SLC45A1: variants seen among roughly 807,000 people sequenced by gnomAD.
The protein encoded by SLC45A1 is solute carrier family 45 member 1.
A neutral mutation model predicts 57.6 loss-of-function variants in SLC45A1; 28 were observed. The ratio of observed to expected loss-of-function variants is 0.49; its 90% CI spans 0.36 to 0.67. SLC45A1 has a LOEUF of 0.67. Ranked by LOEUF, SLC45A1 falls within the 30% of genes least tolerant of loss-of-function variation. SLC45A1 has a pLI of 0.00. For missense variants in SLC45A1, 814 were observed against 1,041.5 expected (o/e 0.78, Z 3.01); for synonymous variants, 459 against 471.5 (o/e 0.97, Z 0.34).
chr1:8,341,956 C>T (rs551784074), intron 8 of SLC45A1, among the ~76,000 whole-genome samples: 87 of 151,662 alleles, frequency 5.7e-4, no homozygotes, highest in African/African-American at 1.9e-3. Flanking sequence ...GCCTGTAATC[C>T]CAGCACTTTG....
At chr1:8,339,934 T>A (rs1442226523) in intron 8 of SLC45A1, among the ~76,000 whole-genome samples, 1 of 152,192 alleles carries the variant, frequency 6.6e-6, no homozygotes, top group Non-Finnish European at 1.5e-5. Context: ...TGGGTCAGGC[T>A]CTGTCCTTCC....
At chr1:8,329,035 C>A (rs757945575) in intron 4 of SLC45A1, among the ~76,000 whole-genome samples, 1 of 151,884 alleles carries the variant, frequency 6.6e-6, no homozygotes, top group Non-Finnish European at 1.5e-5. Context: ...AGAACAGAGG[C>A]AGAGAAGGGA....
intron 8 of SLC45A1, among the ~76,000 whole-genome samples, chr1:8,342,898 CA>C (rs111698660): frequency 1.4e-4 from 19 of 132,888 alleles, no homozygotes; most frequent in African/African-American, 1.7e-4. Context: ...GACCCTGTCT[CA>C]AAAAAAAAAA....
intron 8 of SLC45A1, among the ~76,000 whole-genome samples, chr1:8,342,557 C>CA (rs1334895647): frequency 1.3e-5 from 2 of 152,216 alleles, no homozygotes; most frequent in Non-Finnish European, 2.9e-5. Context: ...ATCTGCAGTG[C>CA]AGCTGTGGGC....
chr1:8,322,388 G>T (rs560492397), intron 1 of SLC45A1, among the ~76,000 whole-genome samples: 3 of 150,204 alleles, frequency 2.0e-5, no homozygotes, highest in Admixed American at 6.7e-5. Context: ...GGATGAGTGG[G>T]TGAGTGGATG....
intron 5 of SLC45A1, among the ~76,000 whole-genome samples, chr1:8,332,295 C>G (rs1441006725): frequency 6.6e-6 from 1 of 152,208 alleles, no homozygotes; most frequent in Non-Finnish European, 1.5e-5. Context: ...AAACGTGAAA[C>G]CTGCAGATGT....
rs752299775 is a variant in SLC45A1 at position 8,343,709 on chromosome 1, CG to C, written c.1981-36del. ...GAGCTCGGTCACCCCGTGCTGGCCG[CG>C]GCGTGTCTCGCTGACACGTTTCTTC... On this transcript the variant is annotated intron_variant, in intron 8 of 8. Coordinates refer to ENST00000471889, the MANE Select transcript of SLC45A1 (RefSeq NM_001080397.3). This position sits in a 1 kb window ranked among gnomAD's most constrained non-coding sequence, Gnocchi z 7.7. 4.4e-6 allele frequency: 7 copies of C among 1,582,104 alleles called. No individual in the cohort carries two copies. In the Admixed American group the frequency reaches 5.1e-5, roughly 11 times the overall value.
At chr1:8,333,430 C>G (rs1236607905) in intron 5 of SLC45A1, among the ~76,000 whole-genome samples, 1 of 151,874 alleles carries the variant, frequency 6.6e-6, no homozygotes, top group Non-Finnish European at 1.5e-5. Context: ...AGCCACCATG[C>G]CCGGCCTTGT....
chr1:8,328,203 T>C lies in SLC45A1; in HGVS notation c.716-2006T>C, dbSNP rs935046502. On this transcript the variant is annotated intron_variant, in intron 4 of 8. Transcript: ENST00000471889. This position sits in a 1 kb window ranked among gnomAD's most constrained non-coding sequence, Gnocchi z 4.6. Reference sequence around the variant, plus strand: ...GAAAAAGAAACAGATATTGGAACAATGTTTAAAAATCAAGGGAAAAGCCTA... The same window carrying C: ...GAAAAAGAAACAGATATTGGAACAACGTTTAAAAATCAAGGGAAAAGCCTA... 6.6e-6 allele frequency: 1 copy of C among 152,142 alleles called. No individual in the cohort carries two copies. Among genetic ancestry groups the C allele is most frequent in the East Asian group, 1.9e-4 (1 of 5,192 alleles). The allele number at this position is 152,142 out of a possible 1,614,324, so 9.4% of individuals were successfully genotyped here.
In SLC45A1 at chr1:8,343,318, G is replaced by C. The variant is rs918144567; in HGVS notation, c.1981-429G>C. On this transcript the variant is annotated intron_variant, in intron 8 of 8. Transcript: ENST00000471889. The surrounding 1 kb of genome is among the most constrained non-coding windows in gnomAD (Gnocchi z 7.7). ...GAGGCCACGAGGACCTTGGAGCCTC[G>C]GACAGAGGACCAGCGGCTGTCATGT... 6.6e-6 allele frequency among the ~76,000 whole-genome samples: 1 copy of C among 152,186 alleles called. No individual in the cohort carries two copies. The highest frequency in any genetic ancestry group is 1.9e-4 in the East Asian group (1 of 5,194).
intron 8 of SLC45A1, among the ~76,000 whole-genome samples, chr1:8,340,409 G>A (rs1192624860): frequency 1.3e-5 from 2 of 152,026 alleles, no homozygotes; most frequent in African/African-American, 4.8e-5. Flanking sequence ...TGATCCGCCC[G>A]CCTCAGCCTC....
Position 8,344,160 on chromosome 1 carries a change from A to G in SLC45A1, c.*147A>G. ...TGATAAAATAATAAATGACAGCGGCAAAGCCTATGGTTTCTAGGCATTGCT... is the reference window on the plus strand; with the variant it reads ...TGATAAAATAATAAATGACAGCGGCGAAGCCTATGGTTTCTAGGCATTGCT... On this transcript the variant is annotated 3_prime_UTR_variant, in exon 9 of 9. Coordinates refer to ENST00000471889, the MANE Select transcript of SLC45A1 (RefSeq NM_001080397.3). 2.6e-6 allele frequency: 2 copies of G among 772,620 alleles called. No homozygotes were observed. Among genetic ancestry groups the G allele is most frequent in the Non-Finnish European group, 3.9e-6 (2 of 515,614 alleles). 47.9% of individuals were successfully genotyped at this position (772,620 alleles called of 1,614,324 possible). A position where few individuals can be genotyped will look rare whatever the true frequency, so the allele number is the denominator to read the frequency against.
chr1:8,341,003 T>C (rs1453098976), intron 8 of SLC45A1, among the ~76,000 whole-genome samples: 2 of 151,758 alleles, frequency 1.3e-5, no homozygotes, highest in African/African-American at 2.4e-5. Context: ...CCATCCTGGC[T>C]AACACAGTGA....
chr1:8,330,568 A>C lies in SLC45A1; in HGVS notation c.1075A>C (p.Thr359Pro). 2 of 1,613,388 alleles carry C rather than the reference A, an allele frequency of 1.2e-6. No individual in the cohort carries two copies. Among genetic ancestry groups the C allele is most frequent in the Non-Finnish European group, 1.7e-6 (2 of 1,179,980 alleles). ...CTTCATCAGCAGGGACAGCTCCCTG[A>C]CGGGCATCAGCGAGTTCGCCTCATC... ...GSFISRDSSL[T>P]GISEFASSFG... Residue 359 changes from threonine (T) to proline (P), a missense_variant, in exon 5 of 9, where the codon ACG becomes CCG. Transcript: ENST00000471889. This position sits in a 1 kb window ranked among gnomAD's most constrained non-coding sequence, Gnocchi z 8.4.
chr1:8,338,721 T>C (rs2124322757), intron 7 of SLC45A1, among the ~76,000 whole-genome samples: 1 of 152,274 alleles, frequency 6.6e-6, no homozygotes, highest in Non-Finnish European at 1.5e-5. Flanking sequence ...GAAATACGAG[T>C]TTCATGTGAT....
Position 8,337,817 on chromosome 1 carries a change from G to A in SLC45A1, c.1599G>A (p.Gly533=), listed in dbSNP as rs1289311300. 7 of 1,613,218 alleles carry A rather than the reference G, an allele frequency of 4.3e-6. No individual in the cohort carries two copies. In the Middle Eastern group the frequency reaches 6.6e-4, roughly 152 times the overall value. Residue 533 remains glycine (G), a splice_region_variant and synonymous_variant, in exon 7 of 9, where the codon GGG becomes GGA. Transcript: ENST00000471889. The stretch of plus-strand genomic sequence containing the variant: ...CATGAACCTCTTTCTTTCTTCCAGG[G>A]TGGCTCTCATTCGAGGGGATGTTGC... ...LRTLCVNHFL[G]WLSFEGMLLF...
chr1:8,339,828 T>A, intron 8 of SLC45A1, 130 bp downstream of exon 8: 2 of 882,606 alleles, frequency 2.3e-6, no homozygotes, highest in Non-Finnish European at 3.6e-6. Context: ...CCACAGAGCA[T>A]GAAACCAAGG....
Position 8,337,828 on chromosome 1 carries a change from T to G in SLC45A1, c.1610T>G (p.Phe537Cys). The change falls in exon 7 of 9, where the codon TTC becomes TGC. Residue 537 changes from phenylalanine (F) to cysteine (C), a missense_variant. Phe to Cys is a radical substitution (Grantham distance 205). Transcript: ENST00000471889. The part of the protein sequence containing the change: ...CVNHFLGWLS[F>C]EGMLLFYTDF... ...TTCTTTCTTCCAGGGTGGCTCTCAT[T>G]CGAGGGGATGTTGCTCTTCTACACA... 1 of 1,613,764 alleles carries G rather than the reference T, an allele frequency of 6.2e-7. No individual in the cohort carries two copies. The highest frequency in any genetic ancestry group is 8.5e-7 in the Non-Finnish European group (1 of 1,179,882).
chr1:8,330,525 C>G lies in SLC45A1; in HGVS notation c.1032C>G (p.Leu344=). 1 of 1,613,408 alleles carries G rather than the reference C, an allele frequency of 6.2e-7. No individual in the cohort carries two copies. Among genetic ancestry groups the G allele is most frequent in the Non-Finnish European group, 8.5e-7 (1 of 1,179,984 alleles). ...FSSPISPPSP[L]TPKYGSFISR... is the part of the protein sequence containing the mutation. Reference sequence around the variant, plus strand: ...GCCCCATCTCGCCGCCCAGCCCCCTCACGCCCAAGTACGGCAGCTTCATCA... The same window carrying G: ...GCCCCATCTCGCCGCCCAGCCCCCTGACGCCCAAGTACGGCAGCTTCATCA... The change falls in exon 5 of 9, where the codon CTC becomes CTG. Residue 344 remains leucine, a synonymous_variant. Transcript: ENST00000471889. The surrounding 1 kb of genome is among the most constrained non-coding windows in gnomAD (Gnocchi z 8.4).
Sources: gnomAD v4.1 joint callset for allele counts (sites outside exome capture counted in the v4.1 genomes callset) on GRCh38, gnomAD v4.1.1 for gene constraint, Gnocchi (gnomAD v3.1) non-coding constraint, MANE v1.5 for transcripts, NCBI Gene and HGNC (gene_info 2026-07-23, HGNC 2026-07-21) for gene names.